Variants in EFNB2 observed in about 807,000 individuals in gnomAD.
EFNB2 encodes ephrin-B2.
In EFNB2, 5 loss-of-function variants were observed where a neutral mutation model predicts 32.1. The ratio of observed to expected loss-of-function variants is 0.16; its 90% confidence interval spans 0.08 to 0.33. EFNB2 has a LOEUF of 0.33. Ranked by LOEUF, EFNB2 falls within the 10% of genes least tolerant of loss-of-function variation. EFNB2 has a pLI of 1.00. For synonymous variants in EFNB2, 168 were observed against 166.5 expected, an observed-to-expected ratio of 1.01 and a Z score of -0.07; for missense variants, 263 against 422.6, an observed-to-expected ratio of 0.62 and a Z score of 3.31.
At chr13:106,508,061 T>C (rs1440096419) in intron 2 of EFNB2, among the ~76,000 whole-genome samples, 1 of 152,176 alleles carries the variant, frequency 6.6e-6, no homozygotes, top group East Asian at 1.9e-4. Context: ...TTGTGGGTTA[T>C]TTTGCAAGGT....
At chr13:106,512,962 A>G in intron 1 of EFNB2, 150 bp from the exon 2 acceptor site, 1 of 656,312 alleles carries the variant, frequency 1.5e-6, no homozygotes, top group Non-Finnish European at 2.4e-6. Context: ...CTTCAGATCA[A>G]TATGGGATGA....
chr13:106,529,597 G>A (rs1205627245), intron 1 of EFNB2, among the ~76,000 whole-genome samples: 1 of 152,198 alleles, frequency 6.6e-6, no homozygotes, highest in Non-Finnish European at 1.5e-5. Context: ...ATGCCCAACA[G>A]CCTGGAGGCA....
Position 106,491,316 on chromosome 13 carries a change from T to G in EFNB2, c.*1724A>C, listed in dbSNP as rs1878397491. 1 of 152,654 alleles carries G rather than the reference T, an allele frequency of 6.6e-6. No individual in the cohort carries two copies. Among genetic ancestry groups the G allele is most frequent in the African/African-American group, 2.4e-5 (1 of 41,450 alleles). 9.5% of individuals were successfully genotyped at this position (152,654 alleles called of 1,614,324 possible). ...GAGATGCCTTCGGAGGACTTGGTTATTTTTGCATTTGCTCTCATTATTGTT... is the reference window on the plus strand; with the variant it reads ...GAGATGCCTTCGGAGGACTTGGTTAGTTTTGCATTTGCTCTCATTATTGTT... On this transcript the variant is annotated 3_prime_UTR_variant, in exon 5 of 5. Transcript: ENST00000646441.
intron 2 of EFNB2, among the ~76,000 whole-genome samples, chr13:106,512,169 TG>T (rs1879158588): frequency 6.6e-6 from 1 of 152,046 alleles, no homozygotes; most frequent in South Asian, 2.1e-4. Context: ...AATGGATGGA[TG>T]GGTGAAGAGA....
intron 1 of EFNB2, chr13:106,519,994 A>G (rs1012799696): frequency 1.3e-5 from 2 of 152,224 alleles, no homozygotes; most frequent in African/African-American, 4.8e-5. Flanking sequence ...CTCTGAGTCC[A>G]CAGAAGCTGT....
At position 106,530,752 on chromosome 13, in the gene EFNB2, G is replaced by A. The variant is rs186519620; in HGVS notation, c.122+4091C>T. The stretch of plus-strand genomic sequence containing the variant: ...GTGAACGCACTCTAAAACGTCGCCC[G>A]AAGTTTGGTGTCATACTGAAGCTCT... On this transcript the variant is annotated intron_variant, in intron 1 of 4. Transcript: ENST00000646441. Among the ~76,000 whole-genome samples, 143 of 152,230 alleles carry A rather than the reference G, an allele frequency of 9.4e-4. 3 individuals carry two copies. The highest frequency in any genetic ancestry group is 8.8e-3 in the Admixed American group (135 of 15,292).
rs965283708 is a variant in EFNB2 at position 106,535,237 on chromosome 13, C to T, written c.-273G>A. 1 of 150,840 alleles carries T rather than the reference C, an allele frequency of 6.6e-6. No individual in the cohort carries two copies. The highest frequency in any genetic ancestry group is 2.4e-5 in the African/African-American group (1 of 40,948). 9.3% of individuals were successfully genotyped at this position (150,840 alleles called of 1,614,324 possible). ...GCCGCGCCGGACGCAGCTCGGACGG[C>T]CGACTCCCGTGCGGCTCCAGGGTGC... On this transcript the variant is annotated 5_prime_UTR_variant, in exon 1 of 5. Transcript: ENST00000646441.
intron 1 of EFNB2, among the ~76,000 whole-genome samples, chr13:106,526,630 A>G (rs543057012): frequency 2.6e-5 from 4 of 152,236 alleles, no homozygotes; most frequent in African/African-American, 9.6e-5. Context: ...TTTTAAATCT[A>G]AAATGTACCT....
chr13:106,534,253 CTCCTGCGAA>C, intron 1 of EFNB2, among the ~76,000 whole-genome samples: 1 of 152,322 alleles, frequency 6.6e-6, no homozygotes, highest in East Asian at 1.9e-4. Flanking sequence ...CGCCCGAGTT[CTCCTGCGAA>C]GCAGGCGAGC....
At chr13:106,509,346 C>T (rs989405721) in intron 2 of EFNB2, among the ~76,000 whole-genome samples, 1 of 152,144 alleles carries the variant, frequency 6.6e-6, no homozygotes, top group African/African-American at 2.4e-5. Flanking sequence ...AAGAAACCAG[C>T]ACACAATAAC....
At chr13:106,507,535 T>A (rs1227877805) in intron 2 of EFNB2, among the ~76,000 whole-genome samples, 1 of 152,234 alleles carries the variant, frequency 6.6e-6, no homozygotes, top group Non-Finnish European at 1.5e-5. Context: ...CATTTTACTT[T>A]ATTTTGTGAT....
chr13:106,524,478 A>G (rs1879635210), intron 1 of EFNB2, among the ~76,000 whole-genome samples: 1 of 152,214 alleles, frequency 6.6e-6, no homozygotes, highest in African/African-American at 2.4e-5. Flanking sequence ...GGATATATTA[A>G]AAGTGCTTCC....
intron 2 of EFNB2, among the ~76,000 whole-genome samples, chr13:106,505,547 A>C (rs1171301358): frequency 6.6e-6 from 1 of 152,236 alleles, no homozygotes; most frequent in Non-Finnish European, 1.5e-5. Flanking sequence ...GAGATTTTGA[A>C]ACTTCAGGAA....
intron 2 of EFNB2, among the ~76,000 whole-genome samples, chr13:106,507,858 C>T (rs1221208103): frequency 6.6e-6 from 1 of 152,184 alleles, no homozygotes; most frequent in Non-Finnish European, 1.5e-5. Context: ...CAAGATGTGT[C>T]TTAGCTATGG....
chr13:106,517,147 CT>C (rs1360576504), intron 1 of EFNB2: 1 of 152,190 alleles, frequency 6.6e-6, no homozygotes, highest in African/African-American at 2.4e-5. Context: ...CCTATGCTGA[CT>C]TTGAAAGTGT....
chr13:106,534,736 G>T, intron 1 of EFNB2, 107 bp downstream of exon 1: 1 of 1,342,290 alleles, frequency 7.4e-7, no homozygotes, highest in Non-Finnish European at 1.0e-6. Context: ...GGGGAACCGA[G>T]GTTCCAGAAA....
At chr13:106,529,500 T>C (rs1326495406) in intron 1 of EFNB2, among the ~76,000 whole-genome samples, 3 of 152,222 alleles carry the variant, frequency 2.0e-5, no homozygotes, top group Admixed American at 6.5e-5. Context: ...TGAGCAGCTT[T>C]TCTTTACTGC....
chr13:106,534,820 G>A (rs1406437233), intron 1 of EFNB2, 23 bp downstream of exon 1: 4 of 1,605,182 alleles, frequency 2.5e-6, no homozygotes, highest in Non-Finnish European at 3.4e-6. Context: ...CGGGGACATA[G>A]GGGGATCGCG....
At chr13:106,524,726 C>CA (rs1467331997) in intron 1 of EFNB2, among the ~76,000 whole-genome samples, 1 of 152,162 alleles carries the variant, frequency 6.6e-6, no homozygotes, top group East Asian at 1.9e-4. Flanking sequence ...CTAGAATATA[C>CA]AAAATGAATT....
Sources: allele counts gnomAD v4.1 joint callset (sites outside exome capture counted in the v4.1 genomes callset), GRCh38; gene constraint gnomAD v4.1.1; transcripts MANE v1.5; gene names NCBI Gene and HGNC (gene_info 2026-07-23, HGNC 2026-07-21).